CCDC171: variants seen among roughly 807,000 people sequenced by gnomAD.
The protein encoded by CCDC171 is coiled-coil domain containing 171.
CCDC171 carries 177 observed loss-of-function variants against 168.2 expected under a neutral mutation model. The observed-to-expected ratio is 1.05, with a 90% CI of 0.93 to 1.19. The LOEUF (loss-of-function observed/expected upper bound fraction) is 1.19, where lower values mean the gene tolerates loss of function less well. Among genes scored for constraint, CCDC171 ranks in the 50% most tolerant of loss-of-function variants. CCDC171 has a pLI of 0.00. For missense variants in CCDC171, 1,991 were observed against 1,539.0 expected (o/e 1.29, Z -4.91); for synonymous variants, 687 against 540.8 (o/e 1.27, Z -3.75).
chr9:15,596,203 A>T (rs1296287297), intron 6 of CCDC171, among the ~76,000 whole-genome samples: 1 of 151,958 alleles, frequency 6.6e-6, no homozygotes, highest in Admixed American at 6.6e-5. Flanking sequence ...GGTGTTTTAG[A>T]CATGAAGTCC....
At chr9:15,979,829 A>G (rs371587049) in intron 3 of CCDC171, among the ~76,000 whole-genome samples, 105 of 151,604 alleles carry the variant, frequency 6.9e-4, no homozygotes, top group African/African-American at 2.4e-3. Context: ...CTTCTCTTCT[A>G]TTTTTTTAAA....
chr9:15,691,958 G>T (rs2050831835), intron 10 of CCDC171, among the ~76,000 whole-genome samples: 1 of 152,160 alleles, frequency 6.6e-6, no homozygotes, highest in Non-Finnish European at 1.5e-5. Flanking sequence ...ACAAGAGTGA[G>T]CCATTGCACC....
chr9:15,999,706 T>G (rs1832484280), intron 3 of CCDC171, among the ~76,000 whole-genome samples: 1 of 152,172 alleles, frequency 6.6e-6, no homozygotes, highest in Non-Finnish European at 1.5e-5. Context: ...CATGCAGCCA[T>G]GCTCAATTCT....
At chr9:15,646,422 G>T (rs1332301913) in intron 7 of CCDC171, among the ~76,000 whole-genome samples, 1 of 152,150 alleles carries the variant, frequency 6.6e-6, no homozygotes, top group East Asian at 1.9e-4. Context: ...AAATGTAAAT[G>T]GGCTAAATGC....
chr9:15,895,686 T>C (rs1231282755), intron 24 of CCDC171, among the ~76,000 whole-genome samples: 1 of 152,102 alleles, frequency 6.6e-6, no homozygotes, highest in African/African-American at 2.4e-5. Flanking sequence ...AGAACTAAAG[T>C]AATGAAGTTA....
intron 21 of CCDC171, among the ~76,000 whole-genome samples, chr9:15,811,517 G>C (rs2059355579): frequency 6.6e-6 from 1 of 152,106 alleles, no homozygotes; most frequent in Non-Finnish European, 1.5e-5. Context: ...GTTGTGTTAG[G>C]TATCATTACT....
At chr9:16,044,569 A>AAGGAAT (rs1833626645) in intron 1 of CCDC171, among the ~76,000 whole-genome samples, 1 of 149,922 alleles carries the variant, frequency 6.7e-6, no homozygotes, top group Non-Finnish European at 1.5e-5. Flanking sequence ...TATGTTGTGG[A>AAGGAAT]AGGAATTCTC....
the CCDC171 span, among the ~76,000 whole-genome samples, chr9:16,101,309 A>G: frequency 6.6e-6 from 1 of 152,216 alleles, no homozygotes; most frequent in African/African-American, 2.4e-5. Flanking sequence ...TAGGTCCTGA[A>G]TATTGTGTGA....
intron 21 of CCDC171, among the ~76,000 whole-genome samples, chr9:15,791,446 G>C (rs922381603): frequency 2.9e-4 from 44 of 152,076 alleles, no homozygotes; most frequent in Non-Finnish European, 4.3e-4. Flanking sequence ...CATTGATTTT[G>C]TATCCTGAGA....
At chr9:16,033,040 C>G (rs911755223) in intron 6 of CCDC171, among the ~76,000 whole-genome samples, 10 of 152,084 alleles carry the variant, frequency 6.6e-5, no homozygotes, top group African/African-American at 2.2e-4. Context: ...GGCACCCAAA[C>G]CATGAGCCAG....
chr9:15,633,998 G>T (rs2045983947), intron 7 of CCDC171, among the ~76,000 whole-genome samples: 1 of 151,972 alleles, frequency 6.6e-6, no homozygotes, highest in Non-Finnish European at 1.5e-5. Context: ...CACAGGGAAG[G>T]GGAACATCAC....
intron 1 of CCDC171, among the ~76,000 whole-genome samples, chr9:16,044,717 G>A (rs1441905809): frequency 6.6e-6 from 1 of 152,056 alleles, no homozygotes; most frequent in Non-Finnish European, 1.5e-5. Flanking sequence ...GGAGGAGGAC[G>A]CTCTGGGCCT....
At chr9:15,958,484 T>A (rs1328015159) in intron 25 of CCDC171, among the ~76,000 whole-genome samples, 1 of 134,920 alleles carries the variant, frequency 7.4e-6, no homozygotes, top group Non-Finnish European at 1.6e-5. Context: ...TATAAAAGTG[T>A]GTATGGGGTG....
chr9:15,856,769 G>A (rs1440403746), intron 23 of CCDC171, among the ~76,000 whole-genome samples: 1 of 151,882 alleles, frequency 6.6e-6, no homozygotes, highest in South Asian at 2.1e-4. Context: ...TTAACTTTTT[G>A]TGAAATCTCC....
intron 6 of CCDC171, among the ~76,000 whole-genome samples, chr9:15,599,217 T>G (rs905541386): frequency 4.6e-5 from 7 of 152,182 alleles, no homozygotes; most frequent in African/African-American, 9.7e-5. Context: ...ATTTTGCTCA[T>G]TAGTTGATGC....
chr9:15,707,974 G>C (rs2052372807), intron 11 of CCDC171, among the ~76,000 whole-genome samples: 1 of 152,062 alleles, frequency 6.6e-6, no homozygotes, highest in Non-Finnish European at 1.5e-5. Context: ...CAGCCTCTCA[G>C]GTAGCTGGGA....
At chr9:15,853,021 G>T (rs1042909140) in intron 23 of CCDC171, among the ~76,000 whole-genome samples, 1 of 151,602 alleles carries the variant, frequency 6.6e-6, no homozygotes, top group African/African-American at 2.4e-5. Context: ...AGAAATGTGA[G>T]ATTTCTAGAT....
chr9:16,078,840 T>A, the CCDC171 span, among the ~76,000 whole-genome samples: 1 of 152,144 alleles, frequency 6.6e-6, no homozygotes, highest in African/African-American at 2.4e-5. Context: ...GGGTCAGAAG[T>A]GACTGGTTAC....
At chr9:15,985,218 C>A (rs79136809) in intron 3 of CCDC171, among the ~76,000 whole-genome samples, 1 of 152,082 alleles carries the variant, frequency 6.6e-6, no homozygotes, top group East Asian at 1.9e-4. Context: ...ATGGAAATAA[C>A]CTTACTTGAG....
Sources: gnomAD v4.1 joint callset for allele counts (sites outside exome capture counted in the v4.1 genomes callset) on GRCh38, gnomAD v4.1.1 for gene constraint, MANE v1.5 for transcripts, NCBI Gene and HGNC (gene_info 2026-07-23, HGNC 2026-07-21) for gene names.